Variants in SFMBT1 observed in about 807,000 individuals in gnomAD.
The protein encoded by SFMBT1 is Scm like with four mbt domains 1, also known as scm-like with four MBT domains protein 1.
A neutral mutation model predicts 108.7 loss-of-function variants in SFMBT1; 32 were observed. That is an observed-to-expected ratio of 0.29 (90% CI 0.22 to 0.40). The LOEUF (loss-of-function observed/expected upper bound fraction) is 0.40, where lower values mean the gene tolerates loss of function less well. Among genes scored for constraint, SFMBT1 ranks in the 10% least tolerant of loss-of-function variants. The pLI is 1.00. For missense variants in SFMBT1, 816 were observed against 1,059.6 expected (o/e 0.77, Z 3.19); for synonymous variants, 348 against 369.5 (o/e 0.94, Z 0.67).
In SFMBT1 at chr3:52,941,372, T is replaced by C. The variant is rs569913043; in HGVS notation, c.364+1981A>G. 1.8e-4 allele frequency among the ~76,000 whole-genome samples: 28 copies of C among 152,066 alleles called. 1 individual carries two copies. The South Asian group carries it at 5.8e-3, about 32-fold the overall frequency. ...ACTTTGGGAGGCAGAAGCGGGCAGA[T>C]CACCTGAGGTCAGGGGTTCAAGACC... On this transcript the variant is annotated intron_variant, in intron 4 of 20. Coordinates refer to ENST00000394752, the MANE Select transcript of SFMBT1 (RefSeq NM_016329.4).
In SFMBT1 at chr3:52,921,730, G is replaced by A. The variant is rs780439230; in HGVS notation, c.1233C>T (p.Gly411=). The change falls in exon 11 of 21, where the codon GGC becomes GGT. Residue 411 remains glycine (G), a synonymous_variant. Transcript: ENST00000394752. The part of the protein sequence containing the change: ...VCVATITAVR[G]SYLWLQLEGS... ...CCTCCAGCTGGAGCCACAGGTAGGAGCCTCTCACTGCAGTGATGGTAGCAA... is the reference window on the plus strand; with the variant it reads ...CCTCCAGCTGGAGCCACAGGTAGGAACCTCTCACTGCAGTGATGGTAGCAA... The A allele has an allele frequency of 1.9e-6, 3 of 1,614,120 alleles. No individual in the cohort carries two copies.
At chr3:52,961,181 A>G (rs947264961) in intron 2 of SFMBT1, among the ~76,000 whole-genome samples, 1 of 152,038 alleles carries the variant, frequency 6.6e-6, no homozygotes, top group African/African-American at 2.4e-5. Context: ...CAATGAAGAC[A>G]TTATGCTAAG....
At chr3:52,961,444 CAG>C (rs1341854917) in intron 2 of SFMBT1, among the ~76,000 whole-genome samples, 1 of 151,876 alleles carries the variant, frequency 6.6e-6, no homozygotes, top group Non-Finnish European at 1.5e-5. Flanking sequence ...CCCAGCTACT[CAG>C]GGGGCTGAAG....
At chr3:52,925,973 A>T (rs1333006581) in intron 10 of SFMBT1, 58 bp downstream of exon 10, 7 of 1,444,480 alleles carry the variant, frequency 4.8e-6, no homozygotes, top group Non-Finnish European at 5.6e-6. Flanking sequence ...AAAGCAAGGG[A>T]AGCACAGCAG....
rs1206292932 is a variant in SFMBT1, at chr3:52,926,053, G to A, written c.1109C>T (p.Ala370Val). 6 of 1,605,270 alleles carry A rather than the reference G, an allele frequency of 3.7e-6. No homozygotes were observed. Among genetic ancestry groups the A allele is most frequent in the Non-Finnish European group, 5.1e-6 (6 of 1,176,760 alleles). ...CACCGGAGGGAAGCACCTCTGGGGA[G>A]CAGCTTCAGCACCACACTGTTTGAG... Reference protein sequence around the residue: ...DYLKQCGAEAAPQRCFPPLIS... With the variant: ...DYLKQCGAEAVPQRCFPPLIS... The change falls in exon 10 of 21, where the codon GCT becomes GTT. Residue 370 changes from alanine (A) to valine (V), a missense_variant. Ala to Val is a moderately conservative substitution (Grantham distance 64). Transcript: ENST00000394752.
intron 1 of SFMBT1, among the ~76,000 whole-genome samples, chr3:52,977,760 G>A (rs1490259595): frequency 6.6e-6 from 1 of 152,148 alleles, no homozygotes; most frequent in Non-Finnish European, 1.5e-5. Context: ...TATATGTGCA[G>A]ATACCTTTAA....
intron 11 of SFMBT1, 46 bp from the exon 12 acceptor site, chr3:52,920,696 T>G (rs762665379): frequency 9.1e-6 from 11 of 1,208,668 alleles, no homozygotes; most frequent in Non-Finnish European, 1.3e-5. Flanking sequence ...CAAACCTTTT[T>G]TTAGACCATT....
chr3:53,004,035 T>C (rs1335660184), intron 1 of SFMBT1, among the ~76,000 whole-genome samples: 1 of 149,930 alleles, frequency 6.7e-6, no homozygotes, highest in Non-Finnish European at 1.5e-5. Flanking sequence ...AAATTCATCT[T>C]TTAAAGTTAT....
rs775989805 is a variant in SFMBT1, at chr3:52,966,005, CAAAAAAAAAAAA to C, written c.28+3084_28+3095del. 5.2e-3 allele frequency among the ~76,000 whole-genome samples: 285 copies of C among 55,042 alleles called. 2 individuals are homozygous for C. Among genetic ancestry groups the C allele is most frequent in the African/African-American group, 0.02 (267 of 13,362 alleles). 36.1% of individuals were successfully genotyped at this position (55,042 alleles called of 152,430 possible). ...TGAGCGACAGAGCAAGACTCCGTTT[CAAAAAAAAAAAA>C]AAAAAAAAAATAGGACTAAAGCCGG... On this transcript the variant is annotated intron_variant, in intron 2 of 20. Transcript: ENST00000394752.
At chr3:52,958,044 T>C (rs1167358469) in intron 2 of SFMBT1, among the ~76,000 whole-genome samples, 1 of 152,136 alleles carries the variant, frequency 6.6e-6, no homozygotes, top group Non-Finnish European at 1.5e-5. Flanking sequence ...TGGGAGAACA[T>C]TTCTGTAATC....
intron 1 of SFMBT1, among the ~76,000 whole-genome samples, chr3:53,029,217 C>T (rs1699600813): frequency 6.8e-6 from 1 of 147,746 alleles, no homozygotes; most frequent in African/African-American, 2.5e-5. Context: ...AAATGTACTA[C>T]CATGGGGGAG....
rs1702489929 is a variant in SFMBT1, at chr3:52,920,537, C to T, written c.1372G>A (p.Val458Ile). 1 of 1,609,798 alleles carries T rather than the reference C, an allele frequency of 6.2e-7. No homozygotes were observed. The highest frequency in any genetic ancestry group is 1.1e-5 in the South Asian group (1 of 90,898). The stretch of plus-strand genomic sequence containing the variant: ...CTCTAACCCAGAAATAGACAGATAC[C>T]TCGTGCTCGGCGAGGAGTGCTGAGG... ...HPLSTPRRAR[V>I]YKQRKIAVVQ... Residue 458 changes from valine (V) to isoleucine (I), a missense_variant and splice_region_variant, in exon 12 of 21, where the codon GTA (valine) becomes ATA (isoleucine). By Grantham distance (29) the Val-to-Ile change is conservative (BLOSUM62 3). This residue lies in a region of SFMBT1 where 495 missense variants were observed against 607.4 expected (regional missense o/e 0.81). Transcript: ENST00000394752.
In SFMBT1 at chr3:53,035,672, C is replaced by A. The variant is rs191659119; in HGVS notation, c.-131+10144G>T. Among the ~76,000 whole-genome samples the A allele has an allele frequency of 2.2e-3, 339 of 152,314 alleles. 1 individual carries two copies. The highest frequency in any genetic ancestry group is 7.2e-3 in the African/African-American group (298 of 41,564). ...AGTGCAGTGGTGCCATCTCATCTCA[C>A]TGAAACCCCCACTTGCCAGGTTCAA... On this transcript the variant is annotated intron_variant, in intron 1 of 20. Transcript: ENST00000394752.
intron 4 of SFMBT1, among the ~76,000 whole-genome samples, chr3:52,939,007 A>T (rs1703105192): frequency 6.6e-6 from 1 of 152,018 alleles, no homozygotes; most frequent in African/African-American, 2.4e-5. Flanking sequence ...CCTGTCTCAT[A>T]TTTTCTCTTT....
intron 10 of SFMBT1, among the ~76,000 whole-genome samples, chr3:52,924,978 T>A (rs1447010651): frequency 6.6e-6 from 1 of 151,996 alleles, no homozygotes; most frequent in Non-Finnish European, 1.5e-5. Context: ...CCCAGCACTT[T>A]GGGAGGCTGA....
At chr3:53,040,455 T>C (rs940582243) in intron 1 of SFMBT1, among the ~76,000 whole-genome samples, 1 of 152,088 alleles carries the variant, frequency 6.6e-6, no homozygotes, top group Non-Finnish European at 1.5e-5. Context: ...CTTCCAACTC[T>C]CATCTAAGAT....
intron 9 of SFMBT1, among the ~76,000 whole-genome samples, chr3:52,927,783 T>C (rs886227472): frequency 6.6e-6 from 1 of 152,182 alleles, no homozygotes; most frequent in Non-Finnish European, 1.5e-5. Flanking sequence ...TAATCAGTAA[T>C]CTACCTTCTA....
chr3:52,976,095 G>A (rs1050232205), intron 1 of SFMBT1, among the ~76,000 whole-genome samples: 3 of 151,500 alleles, frequency 2.0e-5, no homozygotes, highest in Non-Finnish European at 4.4e-5. Flanking sequence ...ATGACACAAG[G>A]CAAGTTCCTT....
intron 1 of SFMBT1, among the ~76,000 whole-genome samples, chr3:52,979,251 A>G (rs62253653): frequency 0.21 from 32,563 of 152,078 alleles, 4,371 homozygotes; most frequent in Middle Eastern, 0.36. Context: ...AAGGAGAAAG[A>G]AAATAATTTG....
Sources: allele counts gnomAD v4.1 joint callset (sites outside exome capture counted in the v4.1 genomes callset), GRCh38; gene constraint gnomAD v4.1.1; regional missense constraint gnomAD v4.1.1; transcripts MANE v1.5; gene names NCBI Gene and HGNC (gene_info 2026-07-23, HGNC 2026-07-21).